POU2F1: variants seen among roughly 807,000 people sequenced by gnomAD.
POU2F1 encodes POU class 2 homeobox 1, also known as POU domain, class 2, transcription factor 1.
POU2F1 carries 16 observed loss-of-function variants against 84.9 expected under a neutral mutation model. The observed-to-expected ratio is 0.19, with a 90% CI of 0.13 to 0.29. The LOEUF (loss-of-function observed/expected upper bound fraction) is 0.29. POU2F1 is among the 10% of genes least tolerant of loss of function. The pLI, the probability that POU2F1 is intolerant of heterozygous loss-of-function variation, is 1.00. For missense variants in POU2F1, 738 were observed against 942.6 expected, an observed-to-expected ratio of 0.78 and a Z score of 2.84; for synonymous variants, 368 against 368.3, an observed-to-expected ratio of 1.00 and a Z score of 0.01.
intron 1 of POU2F1, among the ~76,000 whole-genome samples, chr1:167,222,733 C>T (rs184043265): frequency 1.3e-5 from 2 of 152,308 alleles, no homozygotes; most frequent in Non-Finnish European, 2.9e-5. Flanking sequence ...TAAGTATCAA[C>T]TCTGTGATGG....
intron 2 of POU2F1, among the ~76,000 whole-genome samples, chr1:167,364,658 A>G (rs920571471): frequency 6.7e-6 from 1 of 148,536 alleles, no homozygotes; most frequent in African/African-American, 2.5e-5. Context: ...GCTCACTGCA[A>G]CCTCCACCTC....
intron 1 of POU2F1, among the ~76,000 whole-genome samples, chr1:167,268,187 T>C (rs1652117616): frequency 1.3e-5 from 2 of 152,138 alleles, no homozygotes; most frequent in South Asian, 2.1e-4. Flanking sequence ...CAGGAAAAAA[T>C]CTACTAACAA....
intron 1 of POU2F1, among the ~76,000 whole-genome samples, chr1:167,233,293 T>C (rs908003586): frequency 6.6e-6 from 1 of 151,760 alleles, no homozygotes; most frequent in Admixed American, 6.6e-5. Context: ...CACGCACCCA[T>C]GCCCAGCTAA....
chr1:167,385,072 G>A (rs1266022181), intron 8 of POU2F1, among the ~76,000 whole-genome samples: 1 of 151,984 alleles, frequency 6.6e-6, no homozygotes, highest in Non-Finnish European at 1.5e-5. Context: ...TTTGGAAATT[G>A]AAATTAAGAA....
At chr1:167,403,143 CGTT>C (rs10563431) in intron 13 of POU2F1, among the ~76,000 whole-genome samples, 22,849 of 151,956 alleles carry the variant, frequency 0.15, 1,938 homozygotes, top group Non-Finnish European at 0.2. Flanking sequence ...TTTTCTGACA[CGTT>C]GATAATTTTT....
intron 1 of POU2F1, among the ~76,000 whole-genome samples, chr1:167,280,459 G>A (rs1653055228): frequency 6.6e-6 from 1 of 151,656 alleles, no homozygotes; most frequent in East Asian, 1.9e-4. Context: ...GAACATGTTA[G>A]GCTCTCAATA....
At chr1:167,286,490 C>T in intron 1 of POU2F1, among the ~76,000 whole-genome samples, 1 of 152,154 alleles carries the variant, frequency 6.6e-6, no homozygotes, top group Non-Finnish European at 1.5e-5. Context: ...TGTCACTGCC[C>T]TTGATTCTTA....
intron 9 of POU2F1, among the ~76,000 whole-genome samples, chr1:167,394,862 T>A (rs1648690265): frequency 6.6e-6 from 1 of 152,188 alleles, no homozygotes; most frequent in African/African-American, 2.4e-5. Flanking sequence ...AACTACCACC[T>A]AATAAAAAAT....
At position 167,418,682 on chromosome 1, in the gene POU2F1, T is replaced by A. The variant is rs1650457785; in HGVS notation, c.*2872T>A. On this transcript the variant is annotated 3_prime_UTR_variant, in exon 16 of 16. Transcript: ENST00000367866. Reference sequence around the variant, plus strand: ...GGTTTTTTTTTCCCCACATATGGTTTAGAAAATGATCCCTTTCCCAAACAA... The same window carrying A: ...GGTTTTTTTTTCCCCACATATGGTTAAGAAAATGATCCCTTTCCCAAACAA... 6.6e-6 allele frequency: 1 copy of A among 152,188 alleles called. No individual in the cohort carries two copies. Among genetic ancestry groups the A allele is most frequent in the South Asian group, 2.1e-4 (1 of 4,834 alleles). The allele number at this position is 152,188 out of a possible 1,614,324, so 9.4% of individuals were successfully genotyped here.
intron 1 of POU2F1, among the ~76,000 whole-genome samples, chr1:167,286,016 G>A (rs1653502691): frequency 6.6e-6 from 1 of 152,060 alleles, no homozygotes; most frequent in South Asian, 2.1e-4. Flanking sequence ...GGAAGGTGAA[G>A]AAATAATGAA....
intron 1 of POU2F1, among the ~76,000 whole-genome samples, chr1:167,269,462 A>G (rs917832702): frequency 6.6e-6 from 1 of 152,242 alleles, no homozygotes; most frequent in African/African-American, 2.4e-5. Context: ...TTATTTATTT[A>G]TATTCTTTGA....
At chr1:167,399,457 T>C in intron 12 of POU2F1, 92 bp downstream of exon 12, 4 of 1,112,456 alleles carry the variant, frequency 3.6e-6, no homozygotes, top group Non-Finnish European at 5.1e-6. Flanking sequence ...ATAATAGTAA[T>C]TTAATGAATA....
At chr1:167,375,728 T>C (rs1304736602) in intron 6 of POU2F1, among the ~76,000 whole-genome samples, 1 of 152,218 alleles carries the variant, frequency 6.6e-6, no homozygotes, top group African/African-American at 2.4e-5. Flanking sequence ...CCCATATTGG[T>C]CTTTACATGA....
intron 13 of POU2F1, among the ~76,000 whole-genome samples, chr1:167,401,924 A>G (rs905974646): frequency 3.3e-5 from 5 of 152,322 alleles, no homozygotes; most frequent in South Asian, 2.1e-4. Context: ...TGATAAAACT[A>G]TACCAGCTTG....
At chr1:167,359,201 A>C (rs901837956) in intron 2 of POU2F1, among the ~76,000 whole-genome samples, 3 of 152,018 alleles carry the variant, frequency 2.0e-5, no homozygotes, top group Admixed American at 6.6e-5. Context: ...AAAAAAAAAA[A>C]AACTATTTTT....
chr1:167,346,485 T>C (rs1658212041), intron 2 of POU2F1, among the ~76,000 whole-genome samples: 1 of 152,134 alleles, frequency 6.6e-6, no homozygotes, highest in Non-Finnish European at 1.5e-5. Flanking sequence ...CAGTGACTGG[T>C]TTCATGGAAG....
chr1:167,409,950 A>G (rs1649840733), intron 13 of POU2F1, among the ~76,000 whole-genome samples: 1 of 152,208 alleles, frequency 6.6e-6, no homozygotes, highest in African/African-American at 2.4e-5. Flanking sequence ...TCACCTTACT[A>G]TGTGACAGGG....
chr1:167,296,978 A>G (rs1654325303), intron 1 of POU2F1, among the ~76,000 whole-genome samples: 1 of 152,010 alleles, frequency 6.6e-6, no homozygotes, highest in South Asian at 2.1e-4. Flanking sequence ...TAGGCTAGAA[A>G]TGGTGCAGGT....
At chr1:167,402,451 A>G (rs1338314547) in intron 13 of POU2F1, among the ~76,000 whole-genome samples, 1 of 146,820 alleles carries the variant, frequency 6.8e-6, no homozygotes, top group African/African-American at 2.4e-5. Context: ...TTATTAGAAC[A>G]TTTTGTTTAT....
Sources: gnomAD v4.1 joint callset for allele counts (sites outside exome capture counted in the v4.1 genomes callset) on GRCh38, gnomAD v4.1.1 for gene constraint, MANE v1.5 for transcripts, NCBI Gene and HGNC (gene_info 2026-07-23, HGNC 2026-07-21) for gene names.